Variants in IFT27 observed in about 807,000 individuals in gnomAD.
IFT27 encodes intraflagellar transport 27.
In IFT27, 19 loss-of-function variants were observed where a neutral mutation model predicts 23.9. The ratio of observed to expected loss-of-function variants is 0.79; its 90% CI spans 0.55 to 1.16. IFT27 has a LOEUF of 1.16. Ranked by LOEUF, IFT27 falls within the 50% of genes most tolerant of loss-of-function variation. The probability of loss-of-function intolerance (pLI) is 0.00; values close to 1 mark genes in which losing one functional copy is unlikely to be tolerated. For missense variants in IFT27, 206 were observed against 228.7 expected (o/e 0.90, Z 0.64); for synonymous variants, 91 against 89.1 (o/e 1.02, Z -0.12).
intron 1 of IFT27, among the ~76,000 whole-genome samples, chr22:36,773,654 C>CAAAAAAA (rs35651506): frequency 1.8e-5 from 2 of 110,466 alleles, no homozygotes; most frequent in African/African-American, 3.6e-5. Flanking sequence ...AACTCCGTCT[C>CAAAAAAA]AAAAAAAAAA....
rs540230203 is a variant in IFT27, at chr22:36,770,636, C to T, written c.35-2774G>A. The stretch of plus-strand genomic sequence containing the variant: ...CCAAGCTTTCTGTTTGTGACGCCAC[C>T]GTGTGTTTTCATCGTCCCCAGATTC... On this transcript the variant is annotated intron_variant, in intron 1 of 6. Transcript: ENST00000433985. Among the ~76,000 whole-genome samples the T allele has an allele frequency of 3.3e-5, 5 of 152,304 alleles. No homozygotes were observed. The South Asian group carries it at 6.2e-4, about 19-fold the overall frequency.
chr22:36,763,912 C>G lies in IFT27; in HGVS notation c.352+7G>C. ...CGCTGGGAAACATGGGTGTCTGCAGCCCGTACCTGGGAGAGAGATGCCTGG... is the reference window on the plus strand; with the variant it reads ...CGCTGGGAAACATGGGTGTCTGCAGGCCGTACCTGGGAGAGAGATGCCTGG... On this transcript the variant is annotated splice_region_variant and intron_variant, in intron 5 of 6. Transcript: ENST00000433985. 1.3e-6 allele frequency: 2 copies of G among 1,590,766 alleles called. No individual in the cohort carries two copies. Among genetic ancestry groups the G allele is most frequent in the South Asian group, 2.2e-5 (2 of 90,594 alleles).
chr22:36,762,311 G>C (rs1164967101), intron 6 of IFT27: 1 of 152,334 alleles, frequency 6.6e-6, no homozygotes, highest in Non-Finnish European at 1.5e-5. Flanking sequence ...GCCAGGAAAA[G>C]TGTACTGAAG....
chr22:36,775,544 T>C, intron 1 of IFT27, 130 bp downstream of exon 1: 1 of 913,860 alleles, frequency 1.1e-6, no homozygotes, highest in Non-Finnish European at 1.8e-6. Flanking sequence ...GTATCAGTAA[T>C]TGCAGTAACT....
rs539824539 is a variant in IFT27 at position 36,762,627 on chromosome 22, C to T, written c.462+277G>A. On this transcript the variant is annotated intron_variant, in intron 6 of 6. Transcript: ENST00000433985. ...CTGAACCCAGAATATTGCATGCAAA[C>T]GTCGAGGGTCATGATCACCGCACAC... The T allele has an allele frequency of 1.7e-4, 51 of 292,492 alleles. 1 individual carries two copies. In the Admixed American group the frequency reaches 1.8e-3, roughly 10 times the overall value. The allele number at this position is 292,492 out of a possible 1,614,324, so 18.1% of individuals were successfully genotyped here.
chr22:36,774,139 G>A (rs991422460), intron 1 of IFT27, among the ~76,000 whole-genome samples: 1 of 152,156 alleles, frequency 6.6e-6, no homozygotes, highest in Non-Finnish European at 1.5e-5. Flanking sequence ...TGCCTCCTCT[G>A]GTGCTCTGGA....
At chr22:36,765,172 C>T (rs1003950996) in intron 4 of IFT27, among the ~76,000 whole-genome samples, 2 of 152,216 alleles carry the variant, frequency 1.3e-5, no homozygotes, top group Admixed American at 6.5e-5. Flanking sequence ...CTGTTACATG[C>T]ACGCAGGAGA....
At chr22:36,758,527 G>A (rs763897521) in intron 6 of IFT27, 118 bp from the exon 7 acceptor site, 40 of 745,062 alleles carry the variant, frequency 5.4e-5, no homozygotes, top group African/African-American at 3.3e-4. Flanking sequence ...TCATCTTCAC[G>A]CCCTTCGAGG....
chr22:36,764,035 C>T lies in IFT27; in HGVS notation c.236G>A (p.Trp79Ter). 2.5e-6 allele frequency: 4 copies of T among 1,607,276 alleles called. No homozygotes were observed. The highest frequency in any genetic ancestry group is 3.4e-6 in the Non-Finnish European group (4 of 1,173,668). ...ELFSEMLDKL[W>*]ESPNVLCLVY... ...GAGACATAAGACATTGGGACTCTCCCACTGTGCAAGAGGGACAGGATGAGT... is the reference window on the plus strand; with the variant it reads ...GAGACATAAGACATTGGGACTCTCCTACTGTGCAAGAGGGACAGGATGAGT... Residue 79 changes from tryptophan to a stop codon, truncating the protein, a stop_gained and splice_region_variant, in exon 5 of 7, where the codon TGG becomes TAG. Transcript: ENST00000433985. LOFTEE classifies it high-confidence loss of function.
intron 5 of IFT27, chr22:36,763,570 C>T (rs1938155105): frequency 2.5e-6 from 1 of 403,786 alleles, no homozygotes; most frequent in African/African-American, 2.0e-5. Context: ...TGACAACAGG[C>T]TTGAATGTTT....
rs200296902 is a variant in IFT27, at chr22:36,775,656, G to C, written c.34+18C>G. The C allele has an allele frequency of 2.5e-6, 4 of 1,613,888 alleles. No homozygotes were observed. Among genetic ancestry groups the C allele is most frequent in the African/African-American group, 1.3e-5 (1 of 75,020 alleles). Reference sequence around the variant, plus strand: ...ACTCCAGAGACCACCGTATTCAAGCGCAAGTTTTCAGACTCACCTGCCAGG... The same window carrying C: ...ACTCCAGAGACCACCGTATTCAAGCCCAAGTTTTCAGACTCACCTGCCAGG... On this transcript the variant is annotated intron_variant, in intron 1 of 6. Transcript: ENST00000433985.
intron 5 of IFT27, chr22:36,763,692 T>G: frequency 1.6e-6 from 1 of 625,516 alleles, no homozygotes; most frequent in Non-Finnish European, 2.9e-6. Flanking sequence ...CCCACAGCCC[T>G]GCCAGGTGCG....
At chr22:36,766,388 A>T in intron 3 of IFT27, 191 bp from the exon 4 acceptor site, 1 of 592,366 alleles carries the variant, frequency 1.7e-6, no homozygotes. Context: ...CCAGAGTCTT[A>T]GAGAGGCAGT....
chr22:36,761,305 GA>G (rs1938084880), intron 6 of IFT27: 1 of 152,218 alleles, frequency 6.6e-6, no homozygotes, highest in African/African-American at 2.4e-5. Context: ...GAGGAAGGGA[GA>G]ATACTGAAAT....
chr22:36,774,005 A>G lies in IFT27; in HGVS notation c.34+1669T>C, dbSNP rs1938443516. Reference sequence around the variant, plus strand: ...CCAGAGAGAAGCCCATTTAAAAAAAAAAGTAACTTCAGAAAATAATGTTCC... The same window carrying G: ...CCAGAGAGAAGCCCATTTAAAAAAAGAAGTAACTTCAGAAAATAATGTTCC... On this transcript the variant is annotated intron_variant, in intron 1 of 6. Coordinates refer to ENST00000433985, the MANE Select transcript of IFT27 (RefSeq NM_001177701.3). 2.0e-5 allele frequency among the ~76,000 whole-genome samples: 3 copies of G among 152,356 alleles called. No individual in the cohort carries two copies. The South Asian group carries it at 6.2e-4, about 32-fold the overall frequency.
At chr22:36,768,064 A>G in intron 1 of IFT27, 1 of 686,678 alleles carries the variant, frequency 1.5e-6, no homozygotes, top group Non-Finnish European at 2.7e-6. Flanking sequence ...CAGCCAGAGC[A>G]CACTTCTGCA....
Position 36,766,205 on chromosome 22 carries a change from C to T in IFT27, c.175-8G>A. 6.2e-7 allele frequency: 1 copy of T among 1,613,794 alleles called. No individual in the cohort carries two copies. The highest frequency in any genetic ancestry group is 8.5e-7 in the Non-Finnish European group (1 of 1,179,784). ...GTCAAAAATGAAGAGTTCCTACAAT[C>T]AGAAAAGCAAGAAAAGTCTCCACGT... is the stretch of plus-strand genomic sequence containing the variant. On this transcript the variant is annotated splice_region_variant and splice_polypyrimidine_tract_variant and intron_variant, in intron 3 of 6. Coordinates refer to ENST00000433985, the MANE Select transcript of IFT27 (RefSeq NM_001177701.3).
At chr22:36,764,442 G>A (rs1417772378) in intron 4 of IFT27, among the ~76,000 whole-genome samples, 7 of 152,238 alleles carry the variant, frequency 4.6e-5, no homozygotes, top group African/African-American at 1.2e-4. Context: ...GATGGGGGAC[G>A]ACTGAGTTCT....
intron 3 of IFT27, chr22:36,766,478 C>T: frequency 2.2e-6 from 1 of 453,816 alleles, no homozygotes; most frequent in Non-Finnish European, 4.1e-6. Flanking sequence ...ATACCAGGAA[C>T]AAGCTGACTT....
Sources: allele counts gnomAD v4.1 joint callset (sites outside exome capture counted in the v4.1 genomes callset), GRCh38; gene constraint gnomAD v4.1.1; transcripts MANE v1.5; gene names NCBI Gene and HGNC (gene_info 2026-07-23, HGNC 2026-07-21).